Variants in ETV6 observed in about 807,000 individuals in gnomAD.
ETV6 encodes ETS variant transcription factor 6.
A neutral mutation model predicts 51.1 loss-of-function variants in ETV6; 16 were observed. The ratio of observed to expected loss-of-function variants is 0.31; its 90% CI spans 0.21 to 0.48. ETV6 has a LOEUF of 0.48. ETV6 is among the 20% of genes least tolerant of loss of function. The pLI, the probability that ETV6 is intolerant of heterozygous loss-of-function variation, is 0.99. For missense variants in ETV6, 458 were observed against 594.8 expected, an observed-to-expected ratio of 0.77 and a Z score of 2.39; for synonymous variants, 240 against 224.1, an observed-to-expected ratio of 1.07 and a Z score of -0.64.
chr12:11,868,808 A>G (rs2136537494), intron 4 of ETV6, among the ~76,000 whole-genome samples: 1 of 152,332 alleles, frequency 6.6e-6, no homozygotes, highest in South Asian at 2.1e-4. Flanking sequence ...AAAGCGACGT[A>G]GAAGAGTTAA....
intron 2 of ETV6, among the ~76,000 whole-genome samples, chr12:11,811,558 A>G (rs1945914292): frequency 6.6e-6 from 1 of 152,218 alleles, no homozygotes; most frequent in Non-Finnish European, 1.5e-5. Flanking sequence ...TCATTTCACC[A>G]GAGCATTTAG....
At chr12:11,700,814 G>A (rs867965259) in intron 1 of ETV6, among the ~76,000 whole-genome samples, 8 of 152,174 alleles carry the variant, frequency 5.3e-5, no homozygotes, top group South Asian at 4.2e-4. Flanking sequence ...CGGAGGAGGC[G>A]GGAGGAAAGG....
chr12:11,859,072 A>G (rs2136507540), intron 4 of ETV6, among the ~76,000 whole-genome samples: 1 of 143,190 alleles, frequency 7.0e-6, no homozygotes, highest in East Asian at 2.2e-4. Context: ...AGGAAGTTGT[A>G]TACAATTTTA....
Position 11,770,413 on chromosome 12 carries a change from A to T in ETV6, c.163+17834A>T, listed in dbSNP as rs530235228. Among the ~76,000 whole-genome samples, 7 of 151,982 alleles carry T rather than the reference A, an allele frequency of 4.6e-5. No homozygotes were observed. In the South Asian group the frequency reaches 1.5e-3, roughly 32 times the overall value. On this transcript the variant is annotated intron_variant, in intron 2 of 7. Transcript: ENST00000396373. ...GGGTTGCCTATGCCCATGTTAAAGG[A>T]AGCCAGATAACTTTCTGTCCCCATG...
intron 4 of ETV6, among the ~76,000 whole-genome samples, chr12:11,868,418 G>T (rs1315569363): frequency 6.7e-6 from 1 of 148,966 alleles, no homozygotes; most frequent in Non-Finnish European, 1.5e-5. Flanking sequence ...ATAAGGTTGG[G>T]GGTTTTTTTC....
At chr12:11,715,152 A>G (rs1865251062) in intron 1 of ETV6, among the ~76,000 whole-genome samples, 1 of 152,198 alleles carries the variant, frequency 6.6e-6, no homozygotes, top group Non-Finnish European at 1.5e-5. Context: ...TAGTTCTATG[A>G]GCATATACAC....
chr12:11,824,312 G>T (rs996567515), intron 2 of ETV6, among the ~76,000 whole-genome samples: 3 of 152,234 alleles, frequency 2.0e-5, no homozygotes, highest in African/African-American at 7.2e-5. Context: ...CAGAAAGCCT[G>T]AAAGTGGGAG....
Position 11,829,493 on chromosome 12 carries a change from T to C in ETV6, c.164-9647T>C, listed in dbSNP as rs74762365. On this transcript the variant is annotated intron_variant, in intron 2 of 7. Transcript: ENST00000396373. ...TTTGACTGCGAAACCCAAGGTCTGA[T>C]CTAAAATGCTACATGGCTCTCACCA... Among the ~76,000 whole-genome samples the C allele has an allele frequency of 1.2e-3, 181 of 152,278 alleles. 2 individuals are homozygous for C. In the East Asian group the frequency reaches 0.028, roughly 24 times the overall value.
In ETV6 at chr12:11,661,050, C is replaced by T. The variant is rs148853503; in HGVS notation, c.33+10890C>T. On this transcript the variant is annotated intron_variant, in intron 1 of 7. Coordinates refer to ENST00000396373, the MANE Select transcript of ETV6 (RefSeq NM_001987.5). Reference sequence around the variant, plus strand: ...TGTCACCCATGCTGAACTACAGTGGCGTGATCATAGCTCACCGTAACCTCA... The same window carrying T: ...TGTCACCCATGCTGAACTACAGTGGTGTGATCATAGCTCACCGTAACCTCA... Among the ~76,000 whole-genome samples the T allele has an allele frequency of 2.5e-3, 377 of 152,292 alleles. 2 individuals carry two copies. Among genetic ancestry groups the T allele is most frequent in the African/African-American group, 8.7e-3 (363 of 41,558 alleles).
At chr12:11,861,848 T>G (rs1946723329) in intron 4 of ETV6, among the ~76,000 whole-genome samples, 1 of 152,192 alleles carries the variant, frequency 6.6e-6, no homozygotes. Context: ...ATTGAGAGGA[T>G]TACCCAAACA....
intron 2 of ETV6, among the ~76,000 whole-genome samples, chr12:11,786,921 A>G (rs930796066): frequency 3.9e-5 from 6 of 152,136 alleles, no homozygotes; most frequent in African/African-American, 1.4e-4. Flanking sequence ...TTCTTCTCTG[A>G]TAAGTGCCTG....
intron 1 of ETV6, among the ~76,000 whole-genome samples, chr12:11,749,438 C>G (rs1054290668): frequency 6.6e-6 from 1 of 152,126 alleles, no homozygotes; most frequent in African/African-American, 2.4e-5. Context: ...CTCTCACCAC[C>G]ACCCCCTCCT....
chr12:11,820,838 G>A (rs774321728), intron 2 of ETV6, among the ~76,000 whole-genome samples: 104 of 152,278 alleles, frequency 6.8e-4, no homozygotes, highest in Non-Finnish European at 7.1e-4. Flanking sequence ...TACAAACAGA[G>A]GAGTGATGTG....
At chr12:11,784,836 A>G (rs1295419093) in intron 2 of ETV6, among the ~76,000 whole-genome samples, 1 of 148,568 alleles carries the variant, frequency 6.7e-6, no homozygotes, top group Non-Finnish European at 1.5e-5. Context: ...AGCTGGAACT[A>G]CAAGTGTGCA....
chr12:11,752,541 G>C lies in ETV6; in HGVS notation c.125G>C (p.Arg42Thr). Residue 42 changes from arginine to threonine, a missense_variant, in exon 2 of 8, where the codon AGG becomes ACG. By Grantham distance (71) the Arg-to-Thr change is moderately conservative. Around this residue, in one of 4 missense-constraint regions of ETV6, gnomAD observed 84 missense variants for 75.9 expected, o/e 1.11. Transcript: ENST00000396373. ...CATGTTCCAGTGCCTCGAGCGCTCA[G>C]GATGGAGGAAGACTCGATCCGCCTG... Reference protein sequence around the residue: ...PLHVPVPRALRMEEDSIRLPA... With the variant: ...PLHVPVPRALTMEEDSIRLPA... The C allele has an allele frequency of 1.2e-6, 2 of 1,613,814 alleles. No individual in the cohort carries two copies. The highest frequency in any genetic ancestry group is 1.7e-6 in the Non-Finnish European group (2 of 1,180,002).
intron 6 of ETV6, 54 bp from the exon 7 acceptor site, chr12:11,885,872 T>C: frequency 7.4e-7 from 1 of 1,349,038 alleles, no homozygotes. Flanking sequence ...TTTCTGAGGT[T>C]CATTTCATTG....
intron 1 of ETV6, among the ~76,000 whole-genome samples, chr12:11,661,221 G>C (rs1864096105): frequency 6.6e-6 from 1 of 152,104 alleles, no homozygotes; most frequent in African/African-American, 2.4e-5. Flanking sequence ...CAGAACTCCT[G>C]GGCTCAAGTG....
At chr12:11,652,248 G>A (rs1565473417) in intron 1 of ETV6, among the ~76,000 whole-genome samples, 1 of 152,188 alleles carries the variant, frequency 6.6e-6, no homozygotes, top group Admixed American at 6.5e-5. Flanking sequence ...GACTGCATGT[G>A]TCTAGGTGAA....
At chr12:11,847,744 G>A (rs900703604) in intron 3 of ETV6, among the ~76,000 whole-genome samples, 15 of 152,188 alleles carry the variant, frequency 9.9e-5, no homozygotes, top group African/African-American at 3.6e-4. Flanking sequence ...AGGAAGTGGT[G>A]AGAATGGTGT....
Sources: gnomAD v4.1 joint callset for allele counts (sites outside exome capture counted in the v4.1 genomes callset) on GRCh38, gnomAD v4.1.1 for gene constraint, gnomAD v4.1.1 regional missense constraint, MANE v1.5 for transcripts, NCBI Gene and HGNC (gene_info 2026-07-23, HGNC 2026-07-21) for gene names.